SLC30A6: variants seen among roughly 807,000 people sequenced by gnomAD.
The protein encoded by SLC30A6 is solute carrier family 30 member 6, also known as zinc transporter 6.
SLC30A6 carries 55 observed loss-of-function variants against 63.0 expected under a neutral mutation model. The observed-to-expected ratio is 0.87, with a 90% CI of 0.70 to 1.09. The LOEUF (loss-of-function observed/expected upper bound fraction) is 1.09. SLC30A6 is among the 50% of genes least tolerant of loss of function. The pLI is 0.00. For missense variants in SLC30A6, 587 were observed against 549.2 expected (o/e 1.07, Z -0.69); for synonymous variants, 224 against 186.1 (o/e 1.20, Z -1.66).
At position 32,221,131 on chromosome 2, in the gene SLC30A6, C is replaced by T; in HGVS notation, c.*418C>T. 1 of 210,364 alleles carries T rather than the reference C, an allele frequency of 4.8e-6. No homozygotes were observed. The highest frequency in any genetic ancestry group is 9.5e-6 in the Non-Finnish European group (1 of 105,558). 13.0% of individuals were successfully genotyped at this position (210,364 alleles called of 1,614,324 possible). A position where few individuals can be genotyped will look rare whatever the true frequency, so the allele number is the denominator to read the frequency against. ...CCAATACATTATTATTAACTTAAGG[C>T]TGTACTTTATTAAGGCTTCCTTAGT... On this transcript the variant is annotated 3_prime_UTR_variant, in exon 14 of 14. Transcript: ENST00000282587.
At chr2:32,201,818 G>A (rs1684317496) in intron 10 of SLC30A6, 2 of 1,419,608 alleles carry the variant, frequency 1.4e-6, no homozygotes, top group Middle Eastern at 1.9e-4. Context: ...AGGAAGTCAA[G>A]CCACCATTAT....
At chr2:32,201,459 G>A (rs1684286638) in intron 10 of SLC30A6, 2 of 417,588 alleles carry the variant, frequency 4.8e-6, no homozygotes, top group African/African-American at 4.2e-5. Context: ...GATTCCATTA[G>A]TCTTTCTGTA....
intron 2 of SLC30A6, among the ~76,000 whole-genome samples, chr2:32,173,215 T>C (rs1376820351): frequency 6.6e-6 from 1 of 152,168 alleles, no homozygotes; most frequent in Non-Finnish European, 1.5e-5. Context: ...CACCTTCTCT[T>C]CTCCTCATCT....
At chr2:32,210,515 CAAAAAAAAA>C (rs3040860) in intron 13 of SLC30A6, among the ~76,000 whole-genome samples, 4 of 89,200 alleles carry the variant, frequency 4.5e-5, no homozygotes, top group Non-Finnish European at 4.1e-5. Context: ...ACTCTGTCTC[CAAAAAAAAA>C]AAAAAAAAAA....
chr2:32,209,423 T>C lies in SLC30A6; in HGVS notation c.817-70T>C, dbSNP rs1490139584. The C allele has an allele frequency of 1.9e-4, 238 of 1,231,514 alleles. 2 individuals carry two copies. Among genetic ancestry groups the C allele is most frequent in the East Asian group, 2.4e-5 (1 of 40,912 alleles). 76.3% of individuals were successfully genotyped at this position (1,231,514 alleles called of 1,614,324 possible). ...CATTCTTAAGTTTAAACTAAGTCCATAATGTGACTAAACTGCATTGGATAT... is the reference window on the plus strand; with the variant it reads ...CATTCTTAAGTTTAAACTAAGTCCACAATGTGACTAAACTGCATTGGATAT... On this transcript the variant is annotated intron_variant, in intron 12 of 13. Coordinates refer to ENST00000282587, the MANE Select transcript of SLC30A6 (RefSeq NM_017964.5).
At chr2:32,180,367 G>A (rs1018788397) in intron 4 of SLC30A6, among the ~76,000 whole-genome samples, 4 of 150,614 alleles carry the variant, frequency 2.7e-5, no homozygotes, top group South Asian at 4.2e-4. Context: ...TTGCACCACT[G>A]TAATCCAGTC....
At chr2:32,210,229 G>A (rs186023500) in intron 13 of SLC30A6, among the ~76,000 whole-genome samples, 24 of 152,156 alleles carry the variant, frequency 1.6e-4, no homozygotes, top group Admixed American at 1.5e-3. Context: ...ATGAGATCAC[G>A]GGCTGGGCGT....
At chr2:32,174,034 A>G in intron 2 of SLC30A6, 29 bp from the exon 3 acceptor site, 1 of 1,556,406 alleles carries the variant, frequency 6.4e-7, no homozygotes, top group Non-Finnish European at 8.8e-7. Flanking sequence ...TCACTTCTGT[A>G]CACATAAGAG....
intron 1 of SLC30A6, among the ~76,000 whole-genome samples, chr2:32,166,885 G>A (rs147599035): frequency 3.6e-4 from 55 of 152,202 alleles, no homozygotes; most frequent in African/African-American, 1.3e-3. Context: ...ATAGCCTTCA[G>A]TTACGCTCTT....
chr2:32,202,680 C>A, intron 10 of SLC30A6: 2 of 650,532 alleles, frequency 3.1e-6, no homozygotes, highest in South Asian at 3.1e-5. Context: ...TGAAGTGGAT[C>A]AAATGTTAGA....
At chr2:32,203,127 G>C in intron 10 of SLC30A6, 1 of 1,296,414 alleles carries the variant, frequency 7.7e-7, no homozygotes, top group Non-Finnish European at 1.1e-6. Flanking sequence ...TAAAGTTTTG[G>C]TGGCAACCAA....
intron 2 of SLC30A6, among the ~76,000 whole-genome samples, chr2:32,173,768 A>C (rs1259786221): frequency 6.6e-6 from 1 of 152,186 alleles, no homozygotes; most frequent in South Asian, 2.1e-4. Flanking sequence ...ATATGTACTT[A>C]TAGAGACAAA....
intron 9 of SLC30A6, 28 bp from the exon 10 acceptor site, chr2:32,197,679 G>T: frequency 6.2e-7 from 1 of 1,613,406 alleles, no homozygotes; most frequent in Non-Finnish European, 8.5e-7. Flanking sequence ...TCTGCTAATG[G>T]ATACTCTTTC....
intron 8 of SLC30A6, 140 bp downstream of exon 8, chr2:32,194,123 C>A (rs1683575478): frequency 1.8e-6 from 1 of 544,066 alleles, no homozygotes. Flanking sequence ...GTTCTCAAGT[C>A]TTTTTTAAGT....
chr2:32,167,130 C>T (rs968140165), intron 1 of SLC30A6, among the ~76,000 whole-genome samples: 5 of 152,162 alleles, frequency 3.3e-5, no homozygotes, highest in African/African-American at 4.8e-5. Context: ...GGCTGGAGTG[C>T]AATGGCGCGA....
At chr2:32,175,286 A>G (rs1188800965) in intron 3 of SLC30A6, 33 bp from the exon 4 acceptor site, 3 of 1,599,360 alleles carry the variant, frequency 1.9e-6, no homozygotes, top group Non-Finnish European at 2.6e-6. Context: ...AGGGGTCAGT[A>G]ATACTTTTAA....
At chr2:32,213,749 A>C (rs1685451942) in intron 13 of SLC30A6, among the ~76,000 whole-genome samples, 1 of 148,336 alleles carries the variant, frequency 6.7e-6, no homozygotes, top group Non-Finnish European at 1.5e-5. Context: ...CTTAGTGAAT[A>C]TTTAGATTCT....
In SLC30A6 at chr2:32,174,163, A is replaced by G; in HGVS notation, c.175+16A>G. On this transcript the variant is annotated intron_variant, in intron 3 of 13. Coordinates refer to ENST00000282587, the MANE Select transcript of SLC30A6 (RefSeq NM_017964.5). ...AATAGTATAGGTATGTCACCTTTGT[A>G]TTTTTATGGAGTTGTTATTTTTACT... 1.3e-6 allele frequency: 2 copies of G among 1,580,022 alleles called. No homozygotes were observed. Among genetic ancestry groups the G allele is most frequent in the South Asian group, 1.1e-5 (1 of 87,760 alleles).
intron 10 of SLC30A6, chr2:32,203,373 C>A (rs942934280): frequency 9.6e-7 from 1 of 1,044,716 alleles, no homozygotes; most frequent in Non-Finnish European, 1.5e-6. Context: ...TTAGTTAAAT[C>A]TAAAAGCACG....
Sources: gnomAD v4.1 joint callset for allele counts (sites outside exome capture counted in the v4.1 genomes callset) on GRCh38, gnomAD v4.1.1 for gene constraint, MANE v1.5 for transcripts, NCBI Gene and HGNC (gene_info 2026-07-23, HGNC 2026-07-21) for gene names.